The following PTPRG variants were observed in gnomAD, a reference collection of about 807,000 sequenced individuals.
PTPRG encodes receptor-type tyrosine-protein phosphatase gamma.
A neutral mutation model predicts 165.3 loss-of-function variants in PTPRG; 102 were observed. That is an observed-to-expected ratio of 0.62 (90% confidence interval 0.53 to 0.73). The LOEUF is 0.73. Among genes scored for constraint, PTPRG ranks in the 30% least tolerant of loss-of-function variants. The pLI is 0.00. For synonymous variants in PTPRG, 675 were observed against 669.5 expected, an observed-to-expected ratio of 1.01 and a Z score of -0.13; for missense variants, 1,866 against 1,861.4, an observed-to-expected ratio of 1.00 and a Z score of -0.05.
intron 2 of PTPRG, among the ~76,000 whole-genome samples, chr3:61,946,632 G>C (rs959786642): frequency 1.3e-5 from 2 of 152,174 alleles, no homozygotes; most frequent in East Asian, 1.9e-4. Flanking sequence ...TTCCATTCCA[G>C]TGGATTTAGC....
chr3:61,923,687 T>A (rs545868004), intron 2 of PTPRG, among the ~76,000 whole-genome samples: 1 of 140,272 alleles, frequency 7.1e-6, no homozygotes, highest in Admixed American at 7.2e-5. Context: ...CAGTTTATTT[T>A]TTGTATTTTT....
intron 2 of PTPRG, among the ~76,000 whole-genome samples, chr3:61,934,114 TGG>T (rs1414157839): frequency 6.6e-6 from 1 of 152,200 alleles, no homozygotes; most frequent in Middle Eastern, 3.2e-3. Flanking sequence ...TTCAGTGGTG[TGG>T]GGATGTGTAT....
chr3:61,884,239 T>C (rs2037967877), intron 2 of PTPRG, among the ~76,000 whole-genome samples: 2 of 152,150 alleles, frequency 1.3e-5, no homozygotes, highest in African/African-American at 4.8e-5. Context: ...AATCAAATGC[T>C]GTAAGTGGCA....
chr3:61,838,484 C>T (rs1559641401), intron 2 of PTPRG, among the ~76,000 whole-genome samples: 1 of 152,108 alleles, frequency 6.6e-6, no homozygotes, highest in Non-Finnish European at 1.5e-5. Flanking sequence ...GGACAGAGTG[C>T]CCACAATGTG....
intron 2 of PTPRG, among the ~76,000 whole-genome samples, chr3:61,940,934 G>A (rs75140821): frequency 0.016 from 2,357 of 151,578 alleles, 40 homozygotes; most frequent in South Asian, 0.076. Context: ...AAAGTGCTGC[G>A]TTAGATGCTT....
chr3:62,186,584 T>TTTTTTTTTTTG (rs1705897860), intron 8 of PTPRG, among the ~76,000 whole-genome samples: 5 of 148,192 alleles, frequency 3.4e-5, no homozygotes, highest in Non-Finnish European at 4.5e-5. Context: ...TTTTTTTTTT[T>TTTTTTTTTTTG]GAGATAGGGT....
Position 61,736,698 on chromosome 3 carries a change from A to G in PTPRG, c.86-12180A>G, listed in dbSNP as rs150098867. 2.8e-3 allele frequency among the ~76,000 whole-genome samples: 428 copies of G among 152,274 alleles called. 3 individuals carry two copies. Among genetic ancestry groups the G allele is most frequent in the African/African-American group, 9.2e-3 (383 of 41,572 alleles). ...CACAGGTGGAAGTACACACTTAACAATGATTCGTCTTGACTCACCCTGGGG... is the reference window on the plus strand; with the variant it reads ...CACAGGTGGAAGTACACACTTAACAGTGATTCGTCTTGACTCACCCTGGGG... On this transcript the variant is annotated intron_variant, in intron 1 of 29. Coordinates refer to ENST00000474889, the MANE Select transcript of PTPRG (RefSeq NM_002841.4).
intron 3 of PTPRG, among the ~76,000 whole-genome samples, chr3:61,998,502 C>G (rs1366720722): frequency 1.3e-5 from 2 of 152,170 alleles, no homozygotes; most frequent in African/African-American, 4.8e-5. Flanking sequence ...AACGAAGGCA[C>G]CAAGAAGTGC....
intron 3 of PTPRG, among the ~76,000 whole-genome samples, chr3:61,993,308 C>G (rs2040942056): frequency 6.6e-6 from 1 of 151,966 alleles, no homozygotes; most frequent in Non-Finnish European, 1.5e-5. Context: ...ACCTCCGCCT[C>G]CCGGGTTTAA....
intron 2 of PTPRG, among the ~76,000 whole-genome samples, chr3:61,978,043 G>C (rs1452078674): frequency 6.6e-6 from 1 of 152,184 alleles, no homozygotes; most frequent in East Asian, 1.9e-4. Context: ...GTAGAGACGG[G>C]GTTTCGCCTT....
chr3:62,196,229 T>TA (rs915458751), intron 10 of PTPRG, among the ~76,000 whole-genome samples: 19 of 150,514 alleles, frequency 1.3e-4, no homozygotes, highest in Non-Finnish European at 2.2e-4. Flanking sequence ...CCGTCTCTAC[T>TA]AAAAAAAACA....
chr3:62,276,087 G>T, intron 24 of PTPRG, 121 bp downstream of exon 24: 1 of 601,258 alleles, frequency 1.7e-6, no homozygotes. Context: ...GTGGCCGTAT[G>T]GTAGAAGGTT....
intron 3 of PTPRG, among the ~76,000 whole-genome samples, chr3:61,999,571 A>C (rs1432835414): frequency 6.6e-6 from 1 of 152,120 alleles, no homozygotes; most frequent in Admixed American, 6.5e-5. Context: ...ATCCAGATTC[A>C]ACTTTTCCTG....
At chr3:61,660,727 T>G (rs1228871554) in intron 1 of PTPRG, among the ~76,000 whole-genome samples, 1 of 152,110 alleles carries the variant, frequency 6.6e-6, no homozygotes, top group African/African-American at 2.4e-5. Flanking sequence ...CCTGACTGGA[T>G]GCGTTGGCTC....
chr3:61,719,339 C>T (rs2031949882), intron 1 of PTPRG, among the ~76,000 whole-genome samples: 3 of 152,108 alleles, frequency 2.0e-5, no homozygotes, highest in African/African-American at 7.2e-5. Flanking sequence ...TTATCAAGCC[C>T]CTGCGCCTTG....
intron 5 of PTPRG, among the ~76,000 whole-genome samples, chr3:62,103,115 T>C (rs1031822951): frequency 1.3e-5 from 2 of 152,192 alleles, no homozygotes; most frequent in Non-Finnish European, 2.9e-5. Flanking sequence ...TAGACATTTT[T>C]TCCTAACCCT....
chr3:62,122,079 T>C (rs549621438), intron 5 of PTPRG, among the ~76,000 whole-genome samples: 11 of 152,336 alleles, frequency 7.2e-5, no homozygotes, highest in Non-Finnish European at 1.5e-4. Context: ...CAGAAAGGAA[T>C]TTCCCTAATT....
At chr3:62,078,852 T>C (rs1661104226) in intron 5 of PTPRG, among the ~76,000 whole-genome samples, 1 of 152,246 alleles carries the variant, frequency 6.6e-6, no homozygotes, top group Non-Finnish European at 1.5e-5. Flanking sequence ...TGTGATAAAA[T>C]AATGCTGTTC....
At chr3:61,863,803 T>G (rs1187960288) in intron 2 of PTPRG, among the ~76,000 whole-genome samples, 1 of 152,196 alleles carries the variant, frequency 6.6e-6, no homozygotes, top group Non-Finnish European at 1.5e-5. Context: ...AAGGCCACCT[T>G]TGAATGTGCA....
Sources: allele counts gnomAD v4.1 joint callset (sites outside exome capture counted in the v4.1 genomes callset), GRCh38; gene constraint gnomAD v4.1.1; transcripts MANE v1.5; gene names NCBI Gene and HGNC (gene_info 2026-07-23, HGNC 2026-07-21).